The following DCSTAMP variants were observed in gnomAD, a reference collection of about 807,000 sequenced individuals.
The protein encoded by DCSTAMP is dendrocyte expressed seven transmembrane protein.
A neutral mutation model predicts 33.8 loss-of-function variants in DCSTAMP; 25 were observed. The ratio of observed to expected loss-of-function variants is 0.74; its 90% CI spans 0.54 to 1.03. The LOEUF (loss-of-function observed/expected upper bound fraction) is 1.03. Ranked by LOEUF, DCSTAMP falls within the 50% of genes least tolerant of loss-of-function variation. DCSTAMP has a pLI of 0.00. For synonymous variants in DCSTAMP, 245 were observed against 216.7 expected (o/e 1.13, Z -1.15); for missense variants, 531 against 556.8 (o/e 0.95, Z 0.47).
rs961098690 is a variant in DCSTAMP at position 104,356,391 on chromosome 8, G to T, written c.*193G>T. ...AAGCCAAAGAGCTGCCAGGTAAATGGTTATGTGGTCTATGTTCCAAACAAA... is the reference window on the plus strand; with the variant it reads ...AAGCCAAAGAGCTGCCAGGTAAATGTTTATGTGGTCTATGTTCCAAACAAA... On this transcript the variant is annotated 3_prime_UTR_variant, in exon 4 of 4. Transcript: ENST00000297581. 4.3e-6 allele frequency: 2 copies of T among 464,600 alleles called. No homozygotes were observed. The highest frequency in any genetic ancestry group is 4.2e-5 in the Admixed American group (1 of 24,026). The allele number at this position is 464,600 out of a possible 1,614,324, so 28.8% of individuals were successfully genotyped here. A position where few individuals can be genotyped will look rare whatever the true frequency, so the allele number is the denominator to read the frequency against.
chr8:104,352,580 C>T (rs1000593572), intron 2 of DCSTAMP, among the ~76,000 whole-genome samples: 2 of 151,992 alleles, frequency 1.3e-5, no homozygotes, highest in African/African-American at 4.8e-5. Context: ...GTTGTGAATT[C>T]TCACCATGTT....
rs200509068 is a variant in DCSTAMP, at chr8:104,349,296, C to A, written c.744C>A (p.Thr248=). ...CGWKYENIYI[T]RQFVQFDERE... ...GGAAGTATGAAAACATCTACATCAC[C>A]AGACAATTTGTTCAGTTTGATGAAA... Residue 248 remains threonine (T), a synonymous_variant, in exon 2 of 4, where the codon ACC becomes ACA. Coordinates refer to ENST00000297581, the MANE Select transcript of DCSTAMP (RefSeq NM_030788.4). 6.2e-7 allele frequency: 1 copy of A among 1,614,050 alleles called. No homozygotes were observed. The highest frequency in any genetic ancestry group is 1.3e-5 in the African/African-American group (1 of 74,920).
In DCSTAMP at chr8:104,349,218, C is replaced by T. The variant is rs755292234; in HGVS notation, c.666C>T (p.Leu222=). Residue 222 remains leucine, a synonymous_variant, in exon 2 of 4, where the codon CTC becomes CTT. Coordinates refer to ENST00000297581, the MANE Select transcript of DCSTAMP (RefSeq NM_030788.4). ...QKLLAFAGLS[L]VLLGTGLFMK... is the part of the protein sequence containing the mutation. ...TACTTGCCTTTGCAGGGCTTTCGCT[C>T]GTCCTGCTTGGCACTGGCCTCTTCA... 4.3e-6 allele frequency: 7 copies of T among 1,614,192 alleles called. No homozygotes were observed. Among genetic ancestry groups the T allele is most frequent in the East Asian group, 2.2e-5 (1 of 44,876 alleles).
At position 104,349,387 on chromosome 8, in the gene DCSTAMP, A is replaced by G. The variant is rs756331047; in HGVS notation, c.835A>G (p.Ile279Val). 5.6e-6 allele frequency: 9 copies of G among 1,614,088 alleles called. No homozygotes were observed. The Admixed American group carries it at 1.2e-4, about 21-fold the overall frequency. ...LNKEERRKYV[I>V]IPTFWPTPKE... ...TAAGGAGGAAAGGAGGAAGTATGTC[A>G]TCATCCCGACTTTCTGGCCGACTCC... The change falls in exon 2 of 4, where the codon ATC (isoleucine) becomes GTC (valine). Residue 279 changes from isoleucine (I) to valine (V), a missense_variant. Transcript: ENST00000297581.
Position 104,355,337 on chromosome 8 carries a change from C to T in DCSTAMP, c.1338+152C>T, listed in dbSNP as rs80192917. On this transcript the variant is annotated intron_variant, in intron 3 of 3. Coordinates refer to ENST00000297581, the MANE Select transcript of DCSTAMP (RefSeq NM_030788.4). ...AGGACATTGAGGAAAAATGAACAAA[C>T]GTACGTGGCTAGGACTCTTAACTCT... The T allele has an allele frequency of 2.5e-3, 1,802 of 726,396 alleles. 14 individuals are homozygous for T. In the African/African-American group the frequency reaches 0.025, roughly 10 times the overall value. The allele number at this position is 726,396 out of a possible 1,614,324, so 45.0% of individuals were successfully genotyped here. A position where few individuals can be genotyped will look rare whatever the true frequency, so the allele number is the denominator to read the frequency against.
At chr8:104,345,500 A>T (rs1041745460) in intron 1 of DCSTAMP, among the ~76,000 whole-genome samples, 7 of 152,232 alleles carry the variant, frequency 4.6e-5, no homozygotes, top group African/African-American at 1.2e-4. Flanking sequence ...CAAAAATAAG[A>T]AGGATAATAT....
chr8:104,351,165 G>A (rs529284989), intron 2 of DCSTAMP, among the ~76,000 whole-genome samples: 5 of 152,132 alleles, frequency 3.3e-5, no homozygotes, highest in Admixed American at 1.3e-4. Flanking sequence ...GCATCCCATC[G>A]TTTATCTTTT....
intron 1 of DCSTAMP, among the ~76,000 whole-genome samples, chr8:104,344,311 TATC>T (rs1032306127): frequency 3.3e-5 from 5 of 152,018 alleles, no homozygotes; most frequent in African/African-American, 4.8e-5. Context: ...TAAAATTAAA[TATC>T]ATAATTAAAT....
In DCSTAMP at chr8:104,349,373, G is replaced by A; in HGVS notation, c.821G>A (p.Arg274Lys). Residue 274 changes from arginine to lysine, a missense_variant, in exon 2 of 4, where the codon AGG becomes AAG. Physicochemically the swap from Arg to Lys is conservative, Grantham distance 26 (BLOSUM62 2). Transcript: ENST00000297581. ...PCVLPLNKEE[R>K]RKYVIIPTFW... is the part of the protein sequence containing the mutation. ...GTGCTCCCGCTGAATAAGGAGGAAAGGAGGAAGTATGTCATCATCCCGACT... is the reference window on the plus strand; with the variant it reads ...GTGCTCCCGCTGAATAAGGAGGAAAAGAGGAAGTATGTCATCATCCCGACT... The A allele has an allele frequency of 1.2e-6, 2 of 1,614,214 alleles. No homozygotes were observed. The highest frequency in any genetic ancestry group is 1.7e-6 in the Non-Finnish European group (2 of 1,180,040).
intron 1 of DCSTAMP, among the ~76,000 whole-genome samples, chr8:104,348,264 G>A (rs1337680085): frequency 6.6e-6 from 1 of 152,184 alleles, no homozygotes; most frequent in Non-Finnish European, 1.5e-5. Context: ...CACGTGGAGC[G>A]AGTCCCAGGC....
chr8:104,346,770 C>A (rs563556013), intron 1 of DCSTAMP, among the ~76,000 whole-genome samples: 53 of 152,316 alleles, frequency 3.5e-4, no homozygotes, highest in Non-Finnish European at 6.3e-4. Flanking sequence ...TTATTCATAA[C>A]CTGCCTATTT....
At chr8:104,341,820 C>T (rs1352629181) in intron 1 of DCSTAMP, among the ~76,000 whole-genome samples, 1 of 152,186 alleles carries the variant, frequency 6.6e-6, no homozygotes, top group Non-Finnish European at 1.5e-5. Flanking sequence ...ACTGCTAAGG[C>T]TTCCCTGCCT....
At chr8:104,341,632 T>A (rs1359928125) in intron 1 of DCSTAMP, among the ~76,000 whole-genome samples, 3 of 152,194 alleles carry the variant, frequency 2.0e-5, no homozygotes, top group Non-Finnish European at 4.4e-5. Flanking sequence ...TGAAAGCAGG[T>A]AAATGTGGGC....
chr8:104,342,329 C>T (rs1464386225), intron 1 of DCSTAMP, among the ~76,000 whole-genome samples: 3 of 152,160 alleles, frequency 2.0e-5, no homozygotes, highest in African/African-American at 7.2e-5. Context: ...TCTCACAATC[C>T]GTGGCCAAAA....
intron 2 of DCSTAMP, among the ~76,000 whole-genome samples, chr8:104,353,276 G>A (rs1415623870): frequency 6.6e-6 from 1 of 152,186 alleles, no homozygotes; most frequent in Non-Finnish European, 1.5e-5. Flanking sequence ...ATATTGAAAC[G>A]TTGGGGTGCC....
At chr8:104,352,660 G>A (rs934820231) in intron 2 of DCSTAMP, among the ~76,000 whole-genome samples, 5 of 152,098 alleles carry the variant, frequency 3.3e-5, no homozygotes, top group Admixed American at 2.6e-4. Context: ...ACAATGCCCT[G>A]ACACCTTTGT....
chr8:104,340,055 A>G (rs1050859127), intron 1 of DCSTAMP, among the ~76,000 whole-genome samples, 193 bp downstream of exon 1: 1 of 152,172 alleles, frequency 6.6e-6, no homozygotes, highest in Non-Finnish European at 1.5e-5. Context: ...AAACTGCAGC[A>G]TGAATATCTT....
At chr8:104,341,834 G>A (rs1465909315) in intron 1 of DCSTAMP, among the ~76,000 whole-genome samples, 2 of 152,222 alleles carry the variant, frequency 1.3e-5, no homozygotes, top group Non-Finnish European at 2.9e-5. Flanking sequence ...CCTGCCTGAG[G>A]TGTGGTAGAA....
At chr8:104,346,925 C>T (rs184813655) in intron 1 of DCSTAMP, among the ~76,000 whole-genome samples, 4 of 152,354 alleles carry the variant, frequency 2.6e-5, no homozygotes, top group Admixed American at 2.0e-4. Context: ...CTGGCTCTCA[C>T]TGTATTCAGC....
Sources: gnomAD v4.1 joint callset for allele counts (sites outside exome capture counted in the v4.1 genomes callset) on GRCh38, gnomAD v4.1.1 for gene constraint, MANE v1.5 for transcripts, NCBI Gene and HGNC (gene_info 2026-07-23, HGNC 2026-07-21) for gene names.